ELK4: variants seen among roughly 807,000 people sequenced by gnomAD.
The protein encoded by ELK4 is ETS transcription factor ELK4.
ELK4 carries 16 observed loss-of-function variants against 29.6 expected under a neutral mutation model. The observed-to-expected ratio is 0.54, with a 90% CI of 0.37 to 0.82. The LOEUF (loss-of-function observed/expected upper bound fraction) is 0.82, where lower values mean the gene tolerates loss of function less well. Among genes scored for constraint, ELK4 ranks in the 40% least tolerant of loss-of-function variants. The pLI, the probability that ELK4 is intolerant of heterozygous loss-of-function variation, is 0.00. For synonymous variants in ELK4, 213 were observed against 191.1 expected (o/e 1.11, Z -0.95); for missense variants, 465 against 507.1 (o/e 0.92, Z 0.80).
intron 2 of ELK4, among the ~76,000 whole-genome samples, chr1:205,622,686 A>C (rs944867261): frequency 6.6e-6 from 1 of 152,238 alleles, no homozygotes; most frequent in Non-Finnish European, 1.5e-5. Flanking sequence ...TCCAGGCTTC[A>C]CAATTTTTAA....
At chr1:205,628,986 A>G (rs1670519372) in intron 1 of ELK4, among the ~76,000 whole-genome samples, 1 of 152,092 alleles carries the variant, frequency 6.6e-6, no homozygotes, top group Non-Finnish European at 1.5e-5. Flanking sequence ...ATCCTGGCTA[A>G]CAAGGTGAAA....
Position 205,620,410 on chromosome 1 carries a change from T to G in ELK4, c.636A>C (p.Pro212=). 6.2e-7 allele frequency: 1 copy of G among 1,614,204 alleles called. No homozygotes were observed. Among genetic ancestry groups the G allele is most frequent in the Non-Finnish European group, 8.5e-7 (1 of 1,180,032 alleles). Residue 212 remains proline, a synonymous_variant, in exon 3 of 5, where the codon CCA becomes CCC. Coordinates refer to ENST00000357992, the MANE Select transcript of ELK4 (RefSeq NM_001973.4). The stretch of plus-strand genomic sequence containing the variant: ...TTTCTTCTGAAGATGGAGAAATACT[T>G]GGGCCAATTGAAATGGTGGCAGCAA... The part of the protein sequence containing the change: ...EPVAATISIG[P]SISPSSEETI...
At chr1:205,630,561 AAAAAGTAACC>A (rs1410174690) in intron 1 of ELK4, among the ~76,000 whole-genome samples, 4 of 152,242 alleles carry the variant, frequency 2.6e-5, no homozygotes, top group Non-Finnish European at 5.9e-5. Flanking sequence ...CACCGTTGTC[AAAAAGTAACC>A]AAAAGTAACA....
intron 2 of ELK4, among the ~76,000 whole-genome samples, chr1:205,621,376 CTAATA>C (rs1475582554): frequency 6.6e-6 from 1 of 152,042 alleles, no homozygotes; most frequent in East Asian, 1.9e-4. Context: ...AACAACTGAA[CTAATA>C]TGTTACATAA....
rs1275270907 is a variant in ELK4, at chr1:205,608,018, A to G, written c.*8528T>C. 1 of 179,074 alleles carries G rather than the reference A, an allele frequency of 5.6e-6. No homozygotes were observed. 11.1% of individuals were successfully genotyped at this position (179,074 alleles called of 1,614,324 possible). A position where few individuals can be genotyped will look rare whatever the true frequency, so the allele number is the denominator to read the frequency against. On this transcript the variant is annotated 3_prime_UTR_variant, in exon 5 of 5. Transcript: ENST00000357992. Reference sequence around the variant, plus strand: ...TAGTTGCACATATATCTATTAACATATATGTATACTTTTAGACTTGTAGTA... The same window carrying G: ...TAGTTGCACATATATCTATTAACATGTATGTATACTTTTAGACTTGTAGTA...
chr1:205,631,533 T>A (rs1216474714), intron 1 of ELK4, 99 bp downstream of exon 1: 10 of 150,858 alleles, frequency 6.6e-5, no homozygotes, highest in African/African-American at 2.2e-4. Context: ...CGCCCCCACT[T>A]CCTGTTGTGC....
At chr1:205,629,187 AAG>A (rs1670527696) in intron 1 of ELK4, among the ~76,000 whole-genome samples, 9 of 151,088 alleles carry the variant, frequency 6.0e-5, no homozygotes, top group Admixed American at 1.3e-4. Context: ...AAAAAAAAAA[AAG>A]AAAAGAAAAA....
rs755879040 is a variant in ELK4 at position 205,631,750 on chromosome 1, G to A, written c.-128C>T. The A allele has an allele frequency of 6.7e-6, 2 of 297,182 alleles. No individual in the cohort carries two copies. The highest frequency in any genetic ancestry group is 2.5e-5 in the South Asian group (1 of 39,480). The allele number at this position is 297,182 out of a possible 1,614,324, so 18.4% of individuals were successfully genotyped here. On this transcript the variant is annotated 5_prime_UTR_variant, in exon 1 of 5. Transcript: ENST00000357992. ...CGGCGCGGCAGCCGCTGCGACCCCC[G>A]CGGCGGAGCCGTAGAAGGCGGCGGC...
Position 205,618,884 on chromosome 1 carries a change from G to C in ELK4, c.1197+73C>G. 5.3e-6 allele frequency: 6 copies of C among 1,125,940 alleles called. No individual in the cohort carries two copies. In the South Asian group the frequency reaches 5.6e-5, roughly 10 times the overall value. 69.7% of individuals were successfully genotyped at this position (1,125,940 alleles called of 1,614,324 possible). A position where few individuals can be genotyped will look rare whatever the true frequency, so the allele number is the denominator to read the frequency against. On this transcript the variant is annotated intron_variant, in intron 4 of 4. Coordinates refer to ENST00000357992, the MANE Select transcript of ELK4 (RefSeq NM_001973.4). ...TTTTATAATGATTAAACTGAATAGTGGGACCCTGCCTTTTTGCCTCTTTCT... is the reference window on the plus strand; with the variant it reads ...TTTTATAATGATTAAACTGAATAGTCGGACCCTGCCTTTTTGCCTCTTTCT...
In ELK4 at chr1:205,614,125, C is replaced by G. The variant is rs146414537; in HGVS notation, c.*2421G>C. 5.7e-4 allele frequency: 127 copies of G among 222,592 alleles called. No individual in the cohort carries two copies. The highest frequency in any genetic ancestry group is 1.1e-3 in the Non-Finnish European group (119 of 111,314). The allele number at this position is 222,592 out of a possible 1,614,324, so 13.8% of individuals were successfully genotyped here. ...TAGCAGATCACCAATCTGTGACAGCCTCACACCTCTGAGAGGCTATAGATT... is the reference window on the plus strand; with the variant it reads ...TAGCAGATCACCAATCTGTGACAGCGTCACACCTCTGAGAGGCTATAGATT... On this transcript the variant is annotated 3_prime_UTR_variant, in exon 5 of 5. Coordinates refer to ENST00000357992, the MANE Select transcript of ELK4 (RefSeq NM_001973.4).
At position 205,620,194 on chromosome 1, in the gene ELK4, T is replaced by C. The variant is rs767092165; in HGVS notation, c.852A>G (p.Ser284=). ...SHPDIDTDID[S]VASQPMELPE... ...GAAGTTCCATTGGCTGAGAAGCCACTGAATCAATGTCTGTGTCGATGTCTG... is the reference window on the plus strand; with the variant it reads ...GAAGTTCCATTGGCTGAGAAGCCACCGAATCAATGTCTGTGTCGATGTCTG... Residue 284 remains serine, a synonymous_variant, in exon 3 of 5, where the codon TCA becomes TCG. Coordinates refer to ENST00000357992, the MANE Select transcript of ELK4 (RefSeq NM_001973.4). 6.2e-7 allele frequency: 1 copy of C among 1,614,248 alleles called. No homozygotes were observed. The highest frequency in any genetic ancestry group is 8.5e-7 in the Non-Finnish European group (1 of 1,180,048).
intron 1 of ELK4, among the ~76,000 whole-genome samples, chr1:205,630,300 G>A (rs539951546): frequency 6.6e-6 from 1 of 152,274 alleles, no homozygotes; most frequent in African/African-American, 2.4e-5. Flanking sequence ...ACCAATCCCT[G>A]TCCTAAATTG....
At chr1:205,622,084 C>T (rs1670363299) in intron 2 of ELK4, among the ~76,000 whole-genome samples, 1 of 151,908 alleles carries the variant, frequency 6.6e-6, no homozygotes, top group Admixed American at 6.6e-5. Context: ...TGTGGTGGTG[C>T]ATGTCTGTAG....
At chr1:205,616,757 G>T (rs575593470) in intron 4 of ELK4, 113 bp from the exon 5 acceptor site, 2 of 781,094 alleles carry the variant, frequency 2.6e-6, no homozygotes, top group South Asian at 4.5e-5. Context: ...ATGGCTCACA[G>T]GACAAAGGCA....
chr1:205,611,364 C>G lies in ELK4; in HGVS notation c.*5182G>C, dbSNP rs1670148310. ...ATCAAACCACCTTCTTTTCTTAATACACGACCAACCACAAGAATTCTAGAT... is the reference window on the plus strand; with the variant it reads ...ATCAAACCACCTTCTTTTCTTAATAGACGACCAACCACAAGAATTCTAGAT... On this transcript the variant is annotated 3_prime_UTR_variant, in exon 5 of 5. Transcript: ENST00000357992. 4.7e-6 allele frequency: 1 copy of G among 210,884 alleles called. No homozygotes were observed. The highest frequency in any genetic ancestry group is 2.3e-5 in the African/African-American group (1 of 44,136). The allele number at this position is 210,884 out of a possible 1,614,324, so 13.1% of individuals were successfully genotyped here.
At chr1:205,622,917 C>A (rs981244315) in intron 2 of ELK4, among the ~76,000 whole-genome samples, 2 of 152,116 alleles carry the variant, frequency 1.3e-5, no homozygotes, top group African/African-American at 4.8e-5. Flanking sequence ...GCAGGTGGAT[C>A]ACCTCAAGTC....
Position 205,611,083 on chromosome 1 carries a change from T to TC in ELK4, c.*5462dup, listed in dbSNP as rs1670144710. 4.6e-6 allele frequency: 1 copy of TC among 216,520 alleles called. No individual in the cohort carries two copies. The highest frequency in any genetic ancestry group is 2.2e-5 in the African/African-American group (1 of 44,566). The allele number at this position is 216,520 out of a possible 1,614,324, so 13.4% of individuals were successfully genotyped here. Reference sequence around the variant, plus strand: ...CTGTAGAAAGCTTAGAGCCAGTATTTCCCCTCTCATACAAACCACTCTGGA... The same window carrying TC: ...CTGTAGAAAGCTTAGAGCCAGTATTTCCCCCTCTCATACAAACCACTCTGGA... On this transcript the variant is annotated 3_prime_UTR_variant, in exon 5 of 5. Transcript: ENST00000357992.
At chr1:205,619,702 A>G in intron 3 of ELK4, 1 of 1,433,946 alleles carries the variant, frequency 7.0e-7, no homozygotes, top group South Asian at 1.6e-5. Context: ...GAGTGTGTGT[A>G]CTTTCTTTAG....
At chr1:205,628,079 C>T (rs1254215561) in intron 1 of ELK4, among the ~76,000 whole-genome samples, 2 of 152,232 alleles carry the variant, frequency 1.3e-5, no homozygotes, top group South Asian at 4.2e-4. Flanking sequence ...TATTAGATAC[C>T]GATAATAATC....
Sources: allele counts gnomAD v4.1 joint callset (sites outside exome capture counted in the v4.1 genomes callset), GRCh38; gene constraint gnomAD v4.1.1; transcripts MANE v1.5; gene names NCBI Gene and HGNC (gene_info 2026-07-23, HGNC 2026-07-21).